The following CLSTN2 variants were observed in gnomAD, a reference collection of about 807,000 sequenced individuals.
The protein encoded by CLSTN2 is calsyntenin-2.
Under a neutral mutation model 101.2 loss-of-function variants are expected in CLSTN2, and 48 were observed. The ratio of observed to expected loss-of-function variants is 0.47; its 90% CI spans 0.38 to 0.60. The LOEUF (loss-of-function observed/expected upper bound fraction) is 0.60. Among genes scored for constraint, CLSTN2 ranks in the 20% least tolerant of loss-of-function variants. The pLI is 0.00. For synonymous variants in CLSTN2, 481 were observed against 463.6 expected (o/e 1.04, Z -0.48); for missense variants, 1,160 against 1,238.2 (o/e 0.94, Z 0.95).
intron 8 of CLSTN2, among the ~76,000 whole-genome samples, chr3:140,529,860 C>G (rs1042095233): frequency 2.0e-5 from 3 of 152,130 alleles, no homozygotes; most frequent in Non-Finnish European, 2.9e-5. Context: ...TCTTTTGTGA[C>G]CCATATTAAA....
At chr3:140,080,118 A>G (rs2008564092) in intron 1 of CLSTN2, among the ~76,000 whole-genome samples, 1 of 152,178 alleles carries the variant, frequency 6.6e-6, no homozygotes, top group Non-Finnish European at 1.5e-5. Flanking sequence ...TTCATACCCC[A>G]GTCTCGTGGT....
At chr3:140,356,740 G>C (rs1375762086) in intron 2 of CLSTN2, among the ~76,000 whole-genome samples, 1 of 123,904 alleles carries the variant, frequency 8.1e-6, no homozygotes, top group African/African-American at 3.1e-5. Context: ...CCTGGCAACA[G>C]AGTTGGACCT....
chr3:140,304,812 CA>C (rs2087095704), intron 2 of CLSTN2, among the ~76,000 whole-genome samples: 1 of 152,154 alleles, frequency 6.6e-6, no homozygotes, highest in Non-Finnish European at 1.5e-5. Context: ...GTCCCCACCC[CA>C]ACCCCACCAC....
chr3:140,117,382 C>A (rs1212597165), intron 1 of CLSTN2, among the ~76,000 whole-genome samples: 3 of 152,160 alleles, frequency 2.0e-5, no homozygotes, highest in African/African-American at 7.2e-5. Flanking sequence ...TGCTCCACCA[C>A]AGAACTTCCC....
At chr3:140,537,083 G>C (rs562245012) in intron 9 of CLSTN2, among the ~76,000 whole-genome samples, 1 of 152,330 alleles carries the variant, frequency 6.6e-6, no homozygotes, top group Admixed American at 6.5e-5. Flanking sequence ...TATATACATA[G>C]TATAATCTCT....
chr3:139,980,466 A>G (rs1212333014), intron 1 of CLSTN2, among the ~76,000 whole-genome samples: 4 of 152,094 alleles, frequency 2.6e-5, no homozygotes, highest in African/African-American at 9.7e-5. Flanking sequence ...ATGGTTCCAT[A>G]GAACTAATTT....
chr3:140,572,666 G>A lies in CLSTN2; in HGVS notation c.*6413G>A, dbSNP rs978610923. On this transcript the variant is annotated 3_prime_UTR_variant, in exon 17 of 17. Transcript: ENST00000458420. ...GAACATGTGAGAAGTGCATATTCTT[G>A]GGCCCCACCCCAGACCTACTGAATG... The A allele has an allele frequency of 2.6e-5, 4 of 152,314 alleles. No homozygotes were observed. Among genetic ancestry groups the A allele is most frequent in the South Asian group, 2.1e-4 (1 of 4,820 alleles). The allele number at this position is 152,314 out of a possible 1,614,324, so 9.4% of individuals were successfully genotyped here.
intron 2 of CLSTN2, among the ~76,000 whole-genome samples, chr3:140,226,860 T>G (rs908694813): frequency 6.6e-6 from 1 of 152,142 alleles, no homozygotes; most frequent in Non-Finnish European, 1.5e-5. Context: ...AAAACTCCCA[T>G]TTTTAAAACC....
intron 10 of CLSTN2, among the ~76,000 whole-genome samples, chr3:140,552,678 T>A (rs1382787068): frequency 6.6e-6 from 1 of 152,124 alleles, no homozygotes; most frequent in Non-Finnish European, 1.5e-5. Context: ...GCAGCCCTCA[T>A]GTGAGGCTCA....
chr3:140,200,359 C>T (rs569473875), intron 2 of CLSTN2, among the ~76,000 whole-genome samples: 1 of 152,170 alleles, frequency 6.6e-6, no homozygotes, highest in Admixed American at 6.5e-5. Context: ...TCCCCTAAGT[C>T]ATTTCAGGAA....
intron 8 of CLSTN2, among the ~76,000 whole-genome samples, chr3:140,494,280 T>G (rs917273618): frequency 6.6e-6 from 1 of 152,102 alleles, no homozygotes; most frequent in East Asian, 1.9e-4. Flanking sequence ...CAAAGCCCAG[T>G]GCAAAAGTTT....
intron 1 of CLSTN2, among the ~76,000 whole-genome samples, chr3:140,096,116 G>T (rs968137077): frequency 2.6e-5 from 4 of 152,144 alleles, no homozygotes; most frequent in African/African-American, 7.2e-5. Context: ...CCAAATGACT[G>T]CAAAGCCCAG....
At chr3:140,184,546 G>A (rs1449859740) in intron 2 of CLSTN2, among the ~76,000 whole-genome samples, 11 of 152,192 alleles carry the variant, frequency 7.2e-5, no homozygotes, top group Admixed American at 6.5e-4. Flanking sequence ...TGACCCTTGG[G>A]GATTACAATT....
intron 1 of CLSTN2, among the ~76,000 whole-genome samples, chr3:140,018,332 A>G (rs752954910): frequency 5.9e-5 from 9 of 152,212 alleles, no homozygotes; most frequent in African/African-American, 9.6e-5. Context: ...ACATTTTGCC[A>G]TAACTCCAGC....
At chr3:140,329,055 C>T (rs954270556) in intron 2 of CLSTN2, among the ~76,000 whole-genome samples, 12 of 152,192 alleles carry the variant, frequency 7.9e-5, no homozygotes, top group African/African-American at 2.9e-4. Flanking sequence ...AGTTTTCCCC[C>T]ATTCAGTTCA....
intron 2 of CLSTN2, among the ~76,000 whole-genome samples, chr3:140,261,838 A>T (rs1006854790): frequency 7.2e-5 from 11 of 152,116 alleles, no homozygotes; most frequent in African/African-American, 2.7e-4. Flanking sequence ...ACAGTAGGAG[A>T]CCTGGTTCCT....
intron 1 of CLSTN2, among the ~76,000 whole-genome samples, chr3:140,006,830 CA>C (rs1279306242): frequency 6.6e-6 from 1 of 151,944 alleles, no homozygotes; most frequent in Admixed American, 6.6e-5. Context: ...GTAGCTCTAT[CA>C]ATAGTAGCTC....
At chr3:140,478,538 T>C (rs577256066) in intron 8 of CLSTN2, among the ~76,000 whole-genome samples, 1 of 152,296 alleles carries the variant, frequency 6.6e-6, no homozygotes, top group East Asian at 1.9e-4. Flanking sequence ...AAAAGGTGAT[T>C]TGTAGAGACA....
At chr3:140,473,851 G>T (rs35156727) in intron 8 of CLSTN2, among the ~76,000 whole-genome samples, 1 of 151,834 alleles carries the variant, frequency 6.6e-6, no homozygotes, top group Non-Finnish European at 1.5e-5. Context: ...TCCGCCTCCC[G>T]GGCTCACGCA....
Sources: allele counts gnomAD v4.1 joint callset (sites outside exome capture counted in the v4.1 genomes callset), GRCh38; gene constraint gnomAD v4.1.1; transcripts MANE v1.5; gene names NCBI Gene and HGNC (gene_info 2026-07-23, HGNC 2026-07-21).